ACSBG1: variants seen among roughly 807,000 people sequenced by gnomAD.
The protein encoded by ACSBG1 is long-chain-fatty-acid--CoA ligase ACSBG1.
Under a neutral mutation model 80.2 loss-of-function variants are expected in ACSBG1, and 39 were observed. The observed-to-expected ratio is 0.49, with a 90% CI of 0.38 to 0.64. The LOEUF (loss-of-function observed/expected upper bound fraction) is 0.64. ACSBG1 is among the 30% of genes least tolerant of loss of function. The probability of loss-of-function intolerance (pLI) is 0.00; values close to 1 mark genes in which losing one functional copy is unlikely to be tolerated. For synonymous variants in ACSBG1, 392 were observed against 379.5 expected (o/e 1.03, Z -0.38); for missense variants, 828 against 966.4 (o/e 0.86, Z 1.90).
intron 13 of ACSBG1, among the ~76,000 whole-genome samples, 181 bp downstream of exon 13, chr15:78,173,412 T>TAACCACAA (rs2074847242): frequency 7.1e-6 from 1 of 141,446 alleles, no homozygotes; most frequent in Non-Finnish European, 1.5e-5. Context: ...AGACTCCACA[T>TAACCACAA]AACCACAAGC....
intron 2 of ACSBG1, among the ~76,000 whole-genome samples, chr15:78,201,103 C>A (rs556190535): frequency 9.2e-5 from 14 of 152,334 alleles, no homozygotes; most frequent in African/African-American, 3.4e-4. Context: ...TAAAGACTCC[C>A]ATCCTGAGCC....
intron 1 of ACSBG1, among the ~76,000 whole-genome samples, chr15:78,217,292 G>A (rs1040263): frequency 6.6e-6 from 1 of 152,258 alleles, no homozygotes. Flanking sequence ...GGTACTATTA[G>A]CACCCTCACT....
At position 78,212,710 on chromosome 15, in the gene ACSBG1, G is replaced by A. The variant is rs41279230; in HGVS notation, c.132-4608C>T. On this transcript the variant is annotated intron_variant, in intron 1 of 13. Coordinates refer to ENST00000258873, the MANE Select transcript of ACSBG1 (RefSeq NM_015162.5). ...AGCCACAGCAGCCCCAGAGAGGCCC[G>A]GCTCCACCGGACCGCCCTGCAACAG... 903 of 412,604 alleles carry A rather than the reference G, an allele frequency of 2.2e-3. 3 individuals are homozygous for A. The highest frequency in any genetic ancestry group is 3.8e-3 in the Non-Finnish European group (770 of 202,648). The allele number at this position is 412,604 out of a possible 1,614,324, so 25.6% of individuals were successfully genotyped here. A position where few individuals can be genotyped will look rare whatever the true frequency, so the allele number is the denominator to read the frequency against.
chr15:78,224,476 T>C (rs1273039154), intron 1 of ACSBG1, among the ~76,000 whole-genome samples: 1 of 152,108 alleles, frequency 6.6e-6, no homozygotes, highest in African/African-American at 2.4e-5. Flanking sequence ...TCCCAGCACT[T>C]TGGGAGGCCA....
At chr15:78,210,501 C>G (rs2075257929) in intron 1 of ACSBG1, among the ~76,000 whole-genome samples, 4 of 152,364 alleles carry the variant, frequency 2.6e-5, no homozygotes, top group Admixed American at 2.6e-4. Flanking sequence ...CCTGACTTGT[C>G]ACACAGAAAC....
At chr15:78,217,850 G>A (rs758165787) in intron 1 of ACSBG1, among the ~76,000 whole-genome samples, 1 of 152,288 alleles carries the variant, frequency 6.6e-6, no homozygotes, top group South Asian at 2.1e-4. Flanking sequence ...ACAGGCGTGA[G>A]CCACCGCACC....
chr15:78,233,172 G>A (rs1426700762), intron 1 of ACSBG1, among the ~76,000 whole-genome samples: 4 of 152,170 alleles, frequency 2.6e-5, no homozygotes, highest in Admixed American at 2.0e-4. Flanking sequence ...CCTGACCTAT[G>A]CCCAGGGAGG....
In ACSBG1 at chr15:78,178,623, G is replaced by A. The variant is rs907848394; in HGVS notation, c.1693C>T (p.Arg565Cys). ...DADGFLYITGRLKELIITAGG... is the reference protein window; with the variant it reads ...DADGFLYITGCLKELIITAGG... ...GGCCTGGGGTGCTCACCTTTGAGGC[G>A]CCCAGTGATGTAGAGGAAGCCATCG... The change falls in exon 11 of 14, where the codon CGC becomes TGC. Residue 565 changes from arginine (R) to cysteine (C), a missense_variant. Arg to Cys is a radical substitution (Grantham distance 180). This residue lies in a region of ACSBG1 where 201 missense variants were observed against 227.0 expected (regional missense o/e 0.89). Transcript: ENST00000258873. This position sits in a 1 kb window ranked among gnomAD's most constrained non-coding sequence, Gnocchi z 4.3. 8 of 1,610,534 alleles carry A rather than the reference G, an allele frequency of 5.0e-6. No individual in the cohort carries two copies. In the Admixed American group the frequency reaches 5.0e-5, roughly 10 times the overall value.
intron 8 of ACSBG1, 169 bp from the exon 9 acceptor site, chr15:78,181,105 T>A: frequency 1.3e-6 from 1 of 788,294 alleles, no homozygotes; most frequent in Non-Finnish European, 1.9e-6. Context: ...GTCGCCTTGC[T>A]TTTTGCTCAC....
At chr15:78,195,496 T>C (rs1595889935) in intron 2 of ACSBG1, among the ~76,000 whole-genome samples, 1 of 146,490 alleles carries the variant, frequency 6.8e-6, no homozygotes, top group Non-Finnish European at 1.5e-5. Flanking sequence ...CTGTGTATGG[T>C]GGGTGGGAAC....
Position 78,194,678 on chromosome 15 carries a change from A to G in ACSBG1, c.281T>C (p.Ile94Thr), listed in dbSNP as rs1347564383. ...GGGAAGCTGTGGGCAGCTGGGGTCT[A>G]TGCGCAGGCGCACCCGCCCATCGGC... ...TRADGRVRLR[I>T]DPSCPQLPYT... The change falls in exon 3 of 14, where the codon ATA becomes ACA. Residue 94 changes from isoleucine to threonine, a missense_variant. Physicochemically the swap from Ile to Thr is moderately conservative, Grantham distance 89 (BLOSUM62 -1). This residue lies in a region of ACSBG1 where 356 missense variants were observed against 363.5 expected (regional missense o/e 0.98). Coordinates refer to ENST00000258873, the MANE Select transcript of ACSBG1 (RefSeq NM_015162.5). 6 of 1,613,814 alleles carry G rather than the reference A, an allele frequency of 3.7e-6. No individual in the cohort carries two copies. Among genetic ancestry groups the G allele is most frequent in the Non-Finnish European group, 4.2e-6 (5 of 1,179,946 alleles).
intron 2 of ACSBG1, 34 bp downstream of exon 2, chr15:78,207,968 C>T: frequency 1.7e-6 from 2 of 1,209,144 alleles, no homozygotes; most frequent in South Asian, 1.2e-5. Context: ...CAGTTTCCCG[C>T]CCTGCCCCAC....
chr15:78,210,949 C>G (rs2075261100), intron 1 of ACSBG1, among the ~76,000 whole-genome samples: 1 of 152,214 alleles, frequency 6.6e-6, no homozygotes, highest in Admixed American at 6.5e-5. Flanking sequence ...CTGTGACTAG[C>G]AGTCACTTCT....
Position 78,205,488 on chromosome 15 carries a change from T to C in ACSBG1, c.232+2514A>G, listed in dbSNP as rs571953809. On this transcript the variant is annotated intron_variant, in intron 2 of 13. Transcript: ENST00000258873. ...GGGGGCCAGACCTGGAAGACCAGAC[T>C]GCATGATGCTATCTAGGTCCCAAAG... Among the ~76,000 whole-genome samples the C allele has an allele frequency of 4.1e-3, 622 of 152,254 alleles. 1 individual carries two copies. The highest frequency in any genetic ancestry group is 0.014 in the Middle Eastern group (4 of 294).
At chr15:78,205,084 C>T (rs565592097) in intron 2 of ACSBG1, among the ~76,000 whole-genome samples, 4 of 152,236 alleles carry the variant, frequency 2.6e-5, no homozygotes, top group African/African-American at 9.6e-5. Context: ...CCCGGGTGCC[C>T]TCCCCTCTCT....
At chr15:78,217,566 A>ATT (rs11302425) in intron 1 of ACSBG1, among the ~76,000 whole-genome samples, 1 of 139,108 alleles carries the variant, frequency 7.2e-6, no homozygotes, top group Non-Finnish European at 1.6e-5. Context: ...TTTTGGAAAA[A>ATT]TTTTTTTTTT....
At chr15:78,220,210 G>C (rs12909007) in intron 1 of ACSBG1, among the ~76,000 whole-genome samples, 79,234 of 151,988 alleles carry the variant, frequency 0.52, 21,059 homozygotes, top group Non-Finnish European at 0.56. Flanking sequence ...TTTCAAGAAG[G>C]CTACCAAGAC....
In ACSBG1 at chr15:78,182,483, T is replaced by A. The variant is rs1211494770; in HGVS notation, c.877A>T (p.Met293Leu). 3 of 1,613,974 alleles carry A rather than the reference T, an allele frequency of 1.9e-6. No homozygotes were observed. Among genetic ancestry groups the A allele is most frequent in the Non-Finnish European group, 2.5e-6 (3 of 1,179,940 alleles). ...TGTCCTACATTGTCTTGACTCAGCA[T>A]CACGCCCTTGGGGTTCCCAGTGGTG... ...SGTTGNPKGV[M>L]LSQDNITWTA... is the part of the protein sequence containing the mutation. The change falls in exon 7 of 14, where the codon ATG becomes TTG. Residue 293 changes from methionine (M) to leucine (L), a missense_variant. Coordinates refer to ENST00000258873, the MANE Select transcript of ACSBG1 (RefSeq NM_015162.5).
intron 1 of ACSBG1, among the ~76,000 whole-genome samples, chr15:78,211,054 G>A (rs572961650): frequency 9.8e-5 from 15 of 152,322 alleles, no homozygotes; most frequent in Non-Finnish European, 1.8e-4. Context: ...AGCCAAGCTC[G>A]TTAGAACTTA....
Sources: allele counts gnomAD v4.1 joint callset (sites outside exome capture counted in the v4.1 genomes callset), GRCh38; gene constraint gnomAD v4.1.1; regional missense constraint gnomAD v4.1.1; non-coding constraint Gnocchi (gnomAD v3.1); transcripts MANE v1.5; gene names NCBI Gene and HGNC (gene_info 2026-07-23, HGNC 2026-07-21).